The following B3GALT5 variants were observed in gnomAD, a reference collection of about 807,000 sequenced individuals.
The protein encoded by B3GALT5 is beta-1,3-galactosyltransferase 5, also known as UDP-Gal:betaGlcNAc beta 1,3-galactosyltransferase, polypeptide 5.
For synonymous variants in B3GALT5, 156 were observed against 158.6 expected (o/e 0.98, Z 0.12); for missense variants, 328 against 396.6 (o/e 0.83, Z 1.47).
rs560665561 is a variant in B3GALT5 at position 39,672,158 on chromosome 21, G to A, written c.*10666G>A. ...GCAGAGTTAAGTTGGCCAGTGTGGC[G>A]TGGACACAGCCAGGCGCAGACCCTC... On this transcript the variant is annotated 3_prime_UTR_variant, in exon 4 of 4. Coordinates refer to ENST00000684187, the MANE Select transcript of B3GALT5 (RefSeq NM_001356336.2). The A allele has an allele frequency of 3.3e-5, 5 of 152,320 alleles. No homozygotes were observed. The highest frequency in any genetic ancestry group is 1.9e-4 in the East Asian group (1 of 5,186). The allele number at this position is 152,320 out of a possible 1,614,324, so 9.4% of individuals were successfully genotyped here.
In B3GALT5 at chr21:39,646,033, G is replaced by A. The variant is rs187414767; in HGVS notation, c.-391-359G>A. On this transcript the variant is annotated intron_variant, in intron 1 of 3. Transcript: ENST00000684187. ...TGCACGGCTGGAGTAAAGTGCTTAT[G>A]AAAACATCTCTTTTATTGATTCTAC... Among the ~76,000 whole-genome samples the A allele has an allele frequency of 8.7e-4, 131 of 151,370 alleles. 2 individuals are homozygous for A. In the East Asian group the frequency reaches 0.016, roughly 19 times the overall value.
rs1357550457 is a variant in B3GALT5 at position 39,671,526 on chromosome 21, G to T, written c.*10034G>T. 1 of 152,164 alleles carries T rather than the reference G, an allele frequency of 6.6e-6. No homozygotes were observed. The highest frequency in any genetic ancestry group is 1.5e-5 in the Non-Finnish European group (1 of 68,040). 9.4% of individuals were successfully genotyped at this position (152,164 alleles called of 1,614,324 possible). On this transcript the variant is annotated 3_prime_UTR_variant, in exon 4 of 4. Transcript: ENST00000684187. ...GGCAACTCCCATCACAAGAAAGAAT[G>T]GTGGCCTGGGAGTGAGCTGTAAGGT... is the stretch of plus-strand genomic sequence containing the variant.
rs181981438 is a variant in B3GALT5 at position 39,671,798 on chromosome 21, T to C, written c.*10306T>C. 4 of 152,270 alleles carry C rather than the reference T, an allele frequency of 2.6e-5. No individual in the cohort carries two copies. The East Asian group carries it at 7.7e-4, about 29-fold the overall frequency. 9.4% of individuals were successfully genotyped at this position (152,270 alleles called of 1,614,324 possible). A position where few individuals can be genotyped will look rare whatever the true frequency, so the allele number is the denominator to read the frequency against. On this transcript the variant is annotated 3_prime_UTR_variant, in exon 4 of 4. Coordinates refer to ENST00000684187, the MANE Select transcript of B3GALT5 (RefSeq NM_001356336.2). The stretch of plus-strand genomic sequence containing the variant: ...GCCCCTGGGAATGTAGAGGCATGAA[T>C]TTCTGTCTGTTTTCCTGCTGTTGAA...
chr21:39,617,488 G>A (rs760580220), intron 1 of B3GALT5, among the ~76,000 whole-genome samples: 5 of 152,200 alleles, frequency 3.3e-5, no homozygotes, highest in South Asian at 2.1e-4. Context: ...ATGTGAGCGT[G>A]TGGGAAAAAC....
Position 39,661,635 on chromosome 21 carries a change from CT to C in B3GALT5, c.*144del. 6 of 789,254 alleles carry C rather than the reference CT, an allele frequency of 7.6e-6. No individual in the cohort carries two copies. The highest frequency in any genetic ancestry group is 1.1e-5 in the Non-Finnish European group (6 of 536,706). The allele number at this position is 789,254 out of a possible 1,614,324, so 48.9% of individuals were successfully genotyped here. On this transcript the variant is annotated 3_prime_UTR_variant, in exon 4 of 4. Transcript: ENST00000684187. This position sits in a 1 kb window ranked among gnomAD's most constrained non-coding sequence, Gnocchi z 4.7. ...CAGAATGTCGGTGTTCATGAAGTCACTGATTAGTTCCCACTTGGTGCCCCAG... is the reference window on the plus strand; with the variant it reads ...CAGAATGTCGGTGTTCATGAAGTCACGATTAGTTCCCACTTGGTGCCCCAG...
rs2079512736 is a variant in B3GALT5 at position 39,660,962 on chromosome 21, A to G, written c.403A>G (p.Thr135Ala). ...CGTCTATTACAATCTGACCCTGAAG[A>G]CCATGATGGGCATAGAATGGGTCCA... ...LDVYYNLTLKTMMGIEWVHRF... is the reference protein window; with the variant it reads ...LDVYYNLTLKAMMGIEWVHRF... The change falls in exon 4 of 4, where the codon ACC becomes GCC. Residue 135 changes from threonine (T) to alanine (A), a missense_variant. By Grantham distance (58) the Thr-to-Ala change is moderately conservative. Transcript: ENST00000684187. 1.9e-6 allele frequency: 3 copies of G among 1,606,774 alleles called. No homozygotes were observed. Among genetic ancestry groups the G allele is most frequent in the Non-Finnish European group, 1.7e-6 (2 of 1,175,146 alleles).
intron 1 of B3GALT5, among the ~76,000 whole-genome samples, chr21:39,639,244 GAATTGTGA>G (rs1055021680): frequency 1.3e-5 from 2 of 152,046 alleles, no homozygotes; most frequent in Admixed American, 6.6e-5. Context: ...ACATGTTCCA[GAATTGTGA>G]TTCTGTTTCC....
chr21:39,655,125 G>T (rs936849990), intron 2 of B3GALT5, among the ~76,000 whole-genome samples: 1 of 152,186 alleles, frequency 6.6e-6, no homozygotes, highest in Non-Finnish European at 1.5e-5. Context: ...CGATGGTGTG[G>T]CCCCAGTCTG....
At chr21:39,641,468 A>T (rs1602276410) in intron 1 of B3GALT5, among the ~76,000 whole-genome samples, 1 of 152,234 alleles carries the variant, frequency 6.6e-6, no homozygotes, top group Non-Finnish European at 1.5e-5. Flanking sequence ...TAGATGAAAA[A>T]AAAGTTCTTA....
intron 1 of B3GALT5, among the ~76,000 whole-genome samples, chr21:39,614,465 T>C (rs1050083790): frequency 1.7e-4 from 26 of 152,200 alleles, no homozygotes; most frequent in African/African-American, 5.3e-4. Flanking sequence ...CCTCAGAAGA[T>C]TGACAAGGAC....
chr21:39,635,217 T>C (rs906342078), intron 1 of B3GALT5, among the ~76,000 whole-genome samples: 1 of 152,124 alleles, frequency 6.6e-6, no homozygotes, highest in Non-Finnish European at 1.5e-5. Flanking sequence ...GGTCATCTTT[T>C]GTTAGTGTTG....
Position 39,660,481 on chromosome 21 carries a change from C to T in B3GALT5, c.1-79C>T. ...AGTTTCCAAAACACGGGTCTCCTCT[C>T]CCACCTCAGCCTCCTAGCATAAAAC... On this transcript the variant is annotated intron_variant, in intron 3 of 3. Coordinates refer to ENST00000684187, the MANE Select transcript of B3GALT5 (RefSeq NM_001356336.2). 8.0e-6 allele frequency: 10 copies of T among 1,249,392 alleles called. No homozygotes were observed. The South Asian group carries it at 2.8e-4, about 35-fold the overall frequency. The allele number at this position is 1,249,392 out of a possible 1,614,324, so 77.4% of individuals were successfully genotyped here.
rs2079571124 is a variant in B3GALT5 at position 39,665,614 on chromosome 21, C to T, written c.*4122C>T. On this transcript the variant is annotated 3_prime_UTR_variant, in exon 4 of 4. Coordinates refer to ENST00000684187, the MANE Select transcript of B3GALT5 (RefSeq NM_001356336.2). ...GCCCTATGTGCCCATCCCCGTCAGC[C>T]TTGGCACTGGCTGTCCTCTCTGCTG... 1 of 152,332 alleles carries T rather than the reference C, an allele frequency of 6.6e-6. No homozygotes were observed. Among genetic ancestry groups the T allele is most frequent in the Non-Finnish European group, 1.5e-5 (1 of 68,136 alleles). The allele number at this position is 152,332 out of a possible 1,614,324, so 9.4% of individuals were successfully genotyped here. A position where few individuals can be genotyped will look rare whatever the true frequency, so the allele number is the denominator to read the frequency against.
rs148435393 is a variant in B3GALT5, at chr21:39,657,480, C to T, written c.-160-2273C>T. 1,259 of 162,242 alleles carry T rather than the reference C, an allele frequency of 7.8e-3. 11 individuals carry two copies. The highest frequency in any genetic ancestry group is 0.017 in the Middle Eastern group (6 of 344). The allele number at this position is 162,242 out of a possible 1,614,324, so 10.1% of individuals were successfully genotyped here. On this transcript the variant is annotated intron_variant, in intron 2 of 3. Transcript: ENST00000684187. ...TATACCAAGCAGGTTTCTGGGTTCT[C>T]AGGCCTTTGGCCTTGGACTGATAGT...
At chr21:39,648,373 G>T (rs2079361747) in intron 2 of B3GALT5, among the ~76,000 whole-genome samples, 2 of 152,214 alleles carry the variant, frequency 1.3e-5, no homozygotes, top group Admixed American at 6.5e-5. Context: ...GACAGAGCCT[G>T]AATGGGGGCC....
At position 39,671,560 on chromosome 21, in the gene B3GALT5, A is replaced by G. The variant is rs1054830187; in HGVS notation, c.*10068A>G. 1.3e-5 allele frequency: 2 copies of G among 152,166 alleles called. No individual in the cohort carries two copies. The highest frequency in any genetic ancestry group is 2.9e-5 in the Non-Finnish European group (2 of 68,026). 9.4% of individuals were successfully genotyped at this position (152,166 alleles called of 1,614,324 possible). A position where few individuals can be genotyped will look rare whatever the true frequency, so the allele number is the denominator to read the frequency against. ...GGAGTGAGCTGTAAGGTTCCTTCAA[A>G]CATCAGTTCCTGAAGCCTCTTTTAT... On this transcript the variant is annotated 3_prime_UTR_variant, in exon 4 of 4. Transcript: ENST00000684187.
chr21:39,629,018 C>CT (rs894794469), intron 1 of B3GALT5, among the ~76,000 whole-genome samples: 46 of 147,186 alleles, frequency 3.1e-4, no homozygotes, highest in Admixed American at 5.5e-4. Flanking sequence ...TCTTAACATC[C>CT]TTTTTTTTTT....
intron 1 of B3GALT5, among the ~76,000 whole-genome samples, chr21:39,636,442 G>A (rs1170233332): frequency 6.6e-6 from 1 of 152,030 alleles, no homozygotes; most frequent in Admixed American, 6.5e-5. Flanking sequence ...GAGAAACCCC[G>A]ACGCCTTTCC....
chr21:39,637,346 C>A (rs765812473), intron 1 of B3GALT5, among the ~76,000 whole-genome samples: 4 of 152,220 alleles, frequency 2.6e-5, no homozygotes, highest in Non-Finnish European at 5.9e-5. Context: ...TGTGTGCGTT[C>A]CCTCTCTGGA....
Sources: gnomAD v4.1 joint callset for allele counts (sites outside exome capture counted in the v4.1 genomes callset) on GRCh38, gnomAD v4.1.1 for gene constraint, Gnocchi (gnomAD v3.1) non-coding constraint, MANE v1.5 for transcripts, NCBI Gene and HGNC (gene_info 2026-07-23, HGNC 2026-07-21) for gene names.